SNX24: variants seen among roughly 807,000 people sequenced by gnomAD.
The protein encoded by SNX24 is sorting nexin 24.
Under a neutral mutation model 28.7 loss-of-function variants are expected in SNX24, and 22 were observed. That is an observed-to-expected ratio of 0.77 (90% CI 0.55 to 1.10). The LOEUF is 1.10. SNX24 is among the 50% of genes least tolerant of loss of function. SNX24 has a pLI of 0.00. For missense variants in SNX24, 221 were observed against 201.1 expected (o/e 1.10, Z -0.60); for synonymous variants, 69 against 71.5 (o/e 0.96, Z 0.18).
At position 122,887,843 on chromosome 5, in the gene SNX24, C is replaced by T. The variant is rs147789470; in HGVS notation, c.60+42150C>T. On this transcript the variant is annotated intron_variant, in intron 1 of 6. Transcript: ENST00000261369. ...TCAGCCTCTGGAGTATCTGGGATTACAAGCACCTGTTACCATGCCCAGTTA... is the reference window on the plus strand; with the variant it reads ...TCAGCCTCTGGAGTATCTGGGATTATAAGCACCTGTTACCATGCCCAGTTA... Among the ~76,000 whole-genome samples the T allele has an allele frequency of 2.4e-3, 360 of 152,312 alleles. 2 individuals carry two copies. The highest frequency in any genetic ancestry group is 7.9e-3 in the African/African-American group (329 of 41,568).
At chr5:122,979,145 G>A (rs777661881) in intron 3 of SNX24, among the ~76,000 whole-genome samples, 24 of 152,132 alleles carry the variant, frequency 1.6e-4, no homozygotes, top group Admixed American at 5.9e-4. Context: ...CAGAGGCCGG[G>A]TATTGATTAA....
At chr5:122,899,856 G>A (rs1757356662) in intron 1 of SNX24, among the ~76,000 whole-genome samples, 2 of 152,154 alleles carry the variant, frequency 1.3e-5, no homozygotes, top group African/African-American at 4.8e-5. Flanking sequence ...AGGAGAGTTG[G>A]GGAAAGTTTT....
chr5:122,893,501 T>C (rs932435854), intron 1 of SNX24, among the ~76,000 whole-genome samples: 8 of 152,310 alleles, frequency 5.3e-5, no homozygotes, highest in African/African-American at 1.7e-4. Context: ...TTATTTTATA[T>C]GTATATATAT....
At chr5:122,889,358 A>G (rs1248726097) in intron 1 of SNX24, among the ~76,000 whole-genome samples, 1 of 151,960 alleles carries the variant, frequency 6.6e-6, no homozygotes, top group Non-Finnish European at 1.5e-5. Context: ...ATAGATGTAT[A>G]CAGGCTGAGT....
intron 1 of SNX24, among the ~76,000 whole-genome samples, chr5:122,855,961 C>T (rs1755170101): frequency 6.6e-6 from 1 of 152,122 alleles, no homozygotes; most frequent in African/African-American, 2.4e-5. Flanking sequence ...AATTTGCCAT[C>T]TTTTATTTAT....
At chr5:122,995,769 G>A (rs1448308137) in intron 3 of SNX24, among the ~76,000 whole-genome samples, 1 of 152,170 alleles carries the variant, frequency 6.6e-6, no homozygotes, top group Non-Finnish European at 1.5e-5. Flanking sequence ...GACAGGCCAT[G>A]TGTGCCAACT....
intron 1 of SNX24, among the ~76,000 whole-genome samples, chr5:122,912,651 C>G (rs952746941): frequency 2.0e-5 from 3 of 151,388 alleles, no homozygotes; most frequent in African/African-American, 7.3e-5. Context: ...CCATCAATAC[C>G]TAATTTATTG....
chr5:122,870,551 GA>G (rs1755925016), intron 1 of SNX24, among the ~76,000 whole-genome samples: 1 of 152,196 alleles, frequency 6.6e-6, no homozygotes, highest in Admixed American at 6.5e-5. Context: ...CAAAAGTAGT[GA>G]CAGTTAAAAA....
At chr5:122,879,647 G>A (rs917068603) in intron 1 of SNX24, among the ~76,000 whole-genome samples, 2 of 151,850 alleles carry the variant, frequency 1.3e-5, no homozygotes, top group Non-Finnish European at 2.9e-5. Context: ...CTGAAATGAG[G>A]ATGTAATAAC....
chr5:122,917,979 C>T (rs1581746457), intron 1 of SNX24, among the ~76,000 whole-genome samples: 2 of 152,088 alleles, frequency 1.3e-5, no homozygotes, highest in East Asian at 3.9e-4. Context: ...ACTCAGGAGG[C>T]TGAGGCAGGA....
intron 1 of SNX24, among the ~76,000 whole-genome samples, chr5:122,877,579 TCTCTG>T (rs1756286556): frequency 6.6e-6 from 1 of 152,156 alleles, no homozygotes; most frequent in African/African-American, 2.4e-5. Context: ...CTCTCTCTCA[TCTCTG>T]CCTCACTCTC....
At chr5:122,957,569 T>C (rs1256088276) in intron 3 of SNX24, among the ~76,000 whole-genome samples, 10 of 152,224 alleles carry the variant, frequency 6.6e-5, no homozygotes. Context: ...AAAACTTCTT[T>C]GGAATTTTAA....
At chr5:122,881,799 T>G (rs185376509) in intron 1 of SNX24, among the ~76,000 whole-genome samples, 1 of 150,698 alleles carries the variant, frequency 6.6e-6, no homozygotes. Flanking sequence ...TATCTATACT[T>G]CTATCTGTAT....
chr5:122,857,543 G>C (rs1312235749), intron 1 of SNX24, among the ~76,000 whole-genome samples: 1 of 151,764 alleles, frequency 6.6e-6, no homozygotes, highest in African/African-American at 2.4e-5. Flanking sequence ...TACTTTTTCT[G>C]ATCCTCTTTC....
intron 1 of SNX24, among the ~76,000 whole-genome samples, chr5:122,852,948 G>A (rs1441876712): frequency 1.3e-5 from 2 of 151,980 alleles, no homozygotes; most frequent in Non-Finnish European, 1.5e-5. Context: ...ACAATTCCAC[G>A]CCATGTCCTT....
At chr5:122,856,141 C>T (rs1755179558) in intron 1 of SNX24, among the ~76,000 whole-genome samples, 1 of 152,106 alleles carries the variant, frequency 6.6e-6, no homozygotes, top group African/African-American at 2.4e-5. Flanking sequence ...CAAGTAATCC[C>T]TGGTGTCTGT....
intron 1 of SNX24, among the ~76,000 whole-genome samples, chr5:122,877,692 T>C (rs1756294331): frequency 6.6e-6 from 1 of 152,184 alleles, no homozygotes; most frequent in Non-Finnish European, 1.5e-5. Context: ...ACAGGAAGCC[T>C]ATCCCATCCC....
intron 3 of SNX24, among the ~76,000 whole-genome samples, chr5:122,972,986 T>G (rs1260198497): frequency 6.6e-6 from 1 of 152,204 alleles, no homozygotes; most frequent in African/African-American, 2.4e-5. Flanking sequence ...GCCACTTTGT[T>G]CATGGGCCCA....
intron 6 of SNX24, among the ~76,000 whole-genome samples, chr5:123,007,166 C>T (rs532122261): frequency 5.1e-4 from 77 of 152,218 alleles, no homozygotes; most frequent in Non-Finnish European, 9.3e-4. Context: ...GGAAATTTGC[C>T]CTTTTAAGTT....
Sources: gnomAD v4.1 joint callset for allele counts (sites outside exome capture counted in the v4.1 genomes callset) on GRCh38, gnomAD v4.1.1 for gene constraint, MANE v1.5 for transcripts, NCBI Gene and HGNC (gene_info 2026-07-23, HGNC 2026-07-21) for gene names.